MAF: variants seen among roughly 807,000 people sequenced by gnomAD.
The protein encoded by MAF is MAF bZIP transcription factor, also known as transcription factor Maf.
MAF carries 10 observed loss-of-function variants against 22.0 expected under a neutral mutation model. The ratio of observed to expected loss-of-function variants is 0.45; its 90% confidence interval spans 0.28 to 0.77. MAF has a LOEUF of 0.77. MAF is among the 30% of genes least tolerant of loss of function. The pLI is 0.12. For missense variants in MAF, 544 were observed against 548.4 expected (o/e 0.99, Z 0.08); for synonymous variants, 337 against 255.8 (o/e 1.32, Z -3.03).
the MAF span, among the ~76,000 whole-genome samples, chr16:79,533,859 T>C: frequency 6.6e-6 from 1 of 152,156 alleles, no homozygotes; most frequent in Non-Finnish European, 1.5e-5. Context: ...CCCTCCTCTG[T>C]TGCCATCAAA....
chr16:79,330,570 G>A, the MAF span, among the ~76,000 whole-genome samples: 1 of 152,208 alleles, frequency 6.6e-6, no homozygotes, highest in Non-Finnish European at 1.5e-5. Context: ...CACCCACAGG[G>A]TGGGGAGGAA....
At chr16:79,574,857 C>T in the MAF span, among the ~76,000 whole-genome samples, 1 of 152,082 alleles carries the variant, frequency 6.6e-6, no homozygotes. Context: ...TCATCCCTTT[C>T]CATTTTAAAC....
chr16:79,255,377 T>C, the MAF span, among the ~76,000 whole-genome samples: 86 of 152,288 alleles, frequency 5.6e-4, no homozygotes, highest in East Asian at 0.014. Flanking sequence ...TCTCTGCTCG[T>C]TTTGGGAGAC....
the MAF span, among the ~76,000 whole-genome samples, chr16:79,391,899 CAG>C: frequency 1.9e-4 from 9 of 48,362 alleles, 1 homozygote; most frequent in African/African-American, 5.7e-4. Context: ...GGAGGAGGAG[CAG>C]GAGGAGGAGA....
chr16:79,470,479 C>A, the MAF span, among the ~76,000 whole-genome samples: 1 of 152,224 alleles, frequency 6.6e-6, no homozygotes, highest in Non-Finnish European at 1.5e-5. Flanking sequence ...AGGCCATGTA[C>A]CAGCCCCCAC....
At chr16:79,497,377 C>T in the MAF span, among the ~76,000 whole-genome samples, 2 of 152,174 alleles carry the variant, frequency 1.3e-5, no homozygotes, top group South Asian at 4.1e-4. Context: ...TCTCCTCACC[C>T]CACTCCACCC....
the MAF span, among the ~76,000 whole-genome samples, chr16:79,293,999 G>C: frequency 2.8e-4 from 43 of 152,178 alleles, no homozygotes; most frequent in African/African-American, 9.7e-4. Context: ...CCACAGATTT[G>C]CTGTAATAAG....
At chr16:79,394,111 A>G in the MAF span, among the ~76,000 whole-genome samples, 1 of 152,214 alleles carries the variant, frequency 6.6e-6, no homozygotes, top group South Asian at 2.1e-4. Flanking sequence ...GTGGTTGCCC[A>G]TGGAGTTCTC....
chr16:79,486,337 T>G, the MAF span, among the ~76,000 whole-genome samples: 1 of 152,362 alleles, frequency 6.6e-6, no homozygotes. Flanking sequence ...CACTCACATT[T>G]TGAAAAAGTT....
At chr16:79,216,989 T>C in the MAF span, among the ~76,000 whole-genome samples, 1 of 152,170 alleles carries the variant, frequency 6.6e-6, no homozygotes, top group African/African-American at 2.4e-5. Context: ...TTTGTGTTTT[T>C]AGTAGAGATA....
the MAF span, among the ~76,000 whole-genome samples, chr16:79,351,226 C>G: frequency 0.052 from 7,866 of 152,250 alleles, 469 homozygotes; most frequent in African/African-American, 0.15. Flanking sequence ...CAAAGCTAAA[C>G]AGTGGGGCTG....
At chr16:79,492,415 TG>T in the MAF span, among the ~76,000 whole-genome samples, 1 of 152,110 alleles carries the variant, frequency 6.6e-6, no homozygotes, top group African/African-American at 2.4e-5. Context: ...GATCTGACCC[TG>T]TATTTGGGCA....
the MAF span, among the ~76,000 whole-genome samples, chr16:79,544,140 A>G: frequency 6.6e-6 from 1 of 152,234 alleles, no homozygotes; most frequent in Non-Finnish European, 1.5e-5. Context: ...TGGGGGGGAA[A>G]GTTTGCACAG....
chr16:79,327,203 T>C, the MAF span, among the ~76,000 whole-genome samples: 1 of 152,084 alleles, frequency 6.6e-6, no homozygotes, highest in Non-Finnish European at 1.5e-5. Flanking sequence ...GGCAGGGGCT[T>C]TAGGGGGAAA....
At chr16:79,427,201 G>A in the MAF span, among the ~76,000 whole-genome samples, 5 of 152,286 alleles carry the variant, frequency 3.3e-5, no homozygotes, top group Middle Eastern at 3.4e-3. Flanking sequence ...TAAATGTGAG[G>A]AGTAGGCAAA....
chr16:79,203,708 G>T, the MAF span: 1 of 152,170 alleles, frequency 6.6e-6, no homozygotes, highest in South Asian at 2.1e-4. Context: ...ATTCTGTGCA[G>T]AAGAAGGGAA....
chr16:79,389,570 C>T, the MAF span, among the ~76,000 whole-genome samples: 1 of 152,200 alleles, frequency 6.6e-6, no homozygotes, highest in African/African-American at 2.4e-5. Context: ...CTAAAGATTG[C>T]TCTTCTTTTA....
the MAF span, among the ~76,000 whole-genome samples, chr16:79,303,707 C>T: frequency 1.3e-5 from 2 of 152,086 alleles, no homozygotes; most frequent in Admixed American, 1.3e-4. Flanking sequence ...CTGAGGCACA[C>T]CCGTAAGAAA....
At chr16:79,597,588 T>G in intron 1 of MAF, 1 of 1,022,384 alleles carries the variant, frequency 9.8e-7, no homozygotes, top group Non-Finnish European at 1.2e-6. Flanking sequence ...GAGGTTGAAG[T>G]TCTGAGTAAC....
Sources: gnomAD v4.1 joint callset for allele counts (sites outside exome capture counted in the v4.1 genomes callset) on GRCh38, gnomAD v4.1.1 for gene constraint, MANE v1.5 for transcripts, NCBI Gene and HGNC (gene_info 2026-07-23, HGNC 2026-07-21) for gene names.